SNTG1: variants seen among roughly 807,000 people sequenced by gnomAD.
SNTG1 encodes the protein syntrophin gamma 1, also known as gamma-1-syntrophin.
In SNTG1, 39 loss-of-function variants were observed where a neutral mutation model predicts 74.7. The ratio of observed to expected loss-of-function variants is 0.52; its 90% CI spans 0.40 to 0.68. SNTG1 has a LOEUF of 0.68. SNTG1 is among the 30% of genes least tolerant of loss of function. The pLI, the probability that SNTG1 is intolerant of heterozygous loss-of-function variation, is 0.00. For synonymous variants in SNTG1, 254 were observed against 217.1 expected (o/e 1.17, Z -1.49); for missense variants, 685 against 609.5 (o/e 1.12, Z -1.30).
At chr8:49,929,091 A>G (rs1287389823) in intron 1 of SNTG1, among the ~76,000 whole-genome samples, 1 of 152,314 alleles carries the variant, frequency 6.6e-6, no homozygotes, top group African/African-American at 2.4e-5. Context: ...TAGGACATCA[A>G]GAAAAAGGGA....
chr8:50,176,433 T>C (rs2083001963), intron 2 of SNTG1, among the ~76,000 whole-genome samples: 1 of 152,210 alleles, frequency 6.6e-6, no homozygotes, highest in South Asian at 2.1e-4. Flanking sequence ...CAGTACTGAC[T>C]TCATATCCTG....
At chr8:50,421,567 T>G (rs2093087816) in intron 4 of SNTG1, among the ~76,000 whole-genome samples, 1 of 152,138 alleles carries the variant, frequency 6.6e-6, no homozygotes, top group African/African-American at 2.4e-5. Flanking sequence ...ACCTCTTATC[T>G]CATCCTGTGA....
intron 13 of SNTG1, among the ~76,000 whole-genome samples, chr8:50,618,262 T>C (rs1174522124): frequency 1.3e-5 from 2 of 152,224 alleles, no homozygotes; most frequent in South Asian, 2.1e-4. Flanking sequence ...TGTTCCTTTG[T>C]TCTCCCCTAA....
At chr8:50,701,586 C>CTTCTTCTTCTTCTTCTTCTTCTTCT (rs2095423842) in intron 15 of SNTG1, among the ~76,000 whole-genome samples, 1,514 of 145,296 alleles carry the variant, frequency 0.01, 148 homozygotes, top group African/African-American at 0.034. Context: ...CTTTTTCTTC[C>CTTCTTCTTCTTCTTCTTCTTCTTCT]TCTTCTTCTT....
chr8:50,497,561 A>G (rs185588156), intron 8 of SNTG1, among the ~76,000 whole-genome samples: 1 of 152,158 alleles, frequency 6.6e-6, no homozygotes, highest in African/African-American at 2.4e-5. Flanking sequence ...ATTCATTCTA[A>G]GCCAAAAAAA....
At chr8:50,753,896 C>T (rs2095573783) in intron 18 of SNTG1, among the ~76,000 whole-genome samples, 1 of 151,738 alleles carries the variant, frequency 6.6e-6, no homozygotes, top group Non-Finnish European at 1.5e-5. Flanking sequence ...AAAATAATAC[C>T]TCCATAGGTA....
At chr8:49,924,322 T>G (rs950769285) in intron 1 of SNTG1, among the ~76,000 whole-genome samples, 1 of 152,226 alleles carries the variant, frequency 6.6e-6, no homozygotes, top group Non-Finnish European at 1.5e-5. Flanking sequence ...TGTTCAACAC[T>G]TGCTTTGCTG....
At chr8:50,331,581 A>C (rs2090968724) in intron 2 of SNTG1, among the ~76,000 whole-genome samples, 1 of 152,308 alleles carries the variant, frequency 6.6e-6, no homozygotes, top group South Asian at 2.1e-4. Context: ...AGCCATTGGC[A>C]ATATTCAAGC....
At chr8:50,605,524 A>C (rs1460678938) in intron 13 of SNTG1, among the ~76,000 whole-genome samples, 1 of 152,136 alleles carries the variant, frequency 6.6e-6, no homozygotes, top group Non-Finnish European at 1.5e-5. Context: ...CAGTGCAGCA[A>C]AACAGTTCAA....
intron 2 of SNTG1, among the ~76,000 whole-genome samples, chr8:50,271,606 A>C (rs1489455102): frequency 1.3e-5 from 2 of 152,208 alleles, no homozygotes; most frequent in Non-Finnish European, 2.9e-5. Flanking sequence ...TTATCAGGCA[A>C]AAAATTAAGG....
chr8:50,476,746 A>G (rs975331411), intron 8 of SNTG1, among the ~76,000 whole-genome samples: 2 of 152,144 alleles, frequency 1.3e-5, no homozygotes, highest in African/African-American at 4.8e-5. Flanking sequence ...AGTGGAAATG[A>G]GCACACCTAG....
At chr8:50,385,368 C>T (rs2092557749) in intron 2 of SNTG1, among the ~76,000 whole-genome samples, 1 of 152,168 alleles carries the variant, frequency 6.6e-6, no homozygotes, top group African/African-American at 2.4e-5. Flanking sequence ...CCAACTGCAA[C>T]AACCTATTCT....
chr8:49,986,999 G>A (rs1021314006), intron 1 of SNTG1, among the ~76,000 whole-genome samples: 7 of 152,216 alleles, frequency 4.6e-5, no homozygotes, highest in Admixed American at 2.6e-4. Context: ...TAGCTAGAAT[G>A]AGCAATTCCA....
chr8:50,394,165 AC>A (rs1159563191), intron 2 of SNTG1, 46 bp from the exon 3 acceptor site: 4 of 1,481,500 alleles, frequency 2.7e-6, no homozygotes, highest in Non-Finnish European at 3.7e-6. Flanking sequence ...GTTCTCTCTT[AC>A]ATGCCATGCT....
intron 1 of SNTG1, among the ~76,000 whole-genome samples, chr8:49,940,373 A>C (rs2129374015): frequency 6.6e-6 from 1 of 152,310 alleles, no homozygotes; most frequent in Non-Finnish European, 1.5e-5. Context: ...GCGAAAAAGT[A>C]GATTTTCCTG....
chr8:50,329,164 C>T (rs79325148), intron 2 of SNTG1, among the ~76,000 whole-genome samples: 1,963 of 152,266 alleles, frequency 0.013, 49 homozygotes, highest in African/African-American at 0.045. Context: ...TCAACCTCCC[C>T]GATACCCTCC....
chr8:50,029,101 G>GA (rs958019195), intron 1 of SNTG1, among the ~76,000 whole-genome samples: 33 of 149,126 alleles, frequency 2.2e-4, no homozygotes, highest in East Asian at 7.8e-4. Flanking sequence ...AAGATTTATT[G>GA]AAAAAAAAAG....
chr8:50,633,398 A>G (rs562652827), intron 13 of SNTG1, among the ~76,000 whole-genome samples: 2 of 152,314 alleles, frequency 1.3e-5, no homozygotes, highest in Admixed American at 6.5e-5. Flanking sequence ...AGGAAAATTC[A>G]TAGCCACTCT....
At chr8:50,792,240 G>A (rs1176275269) in intron 18 of SNTG1, among the ~76,000 whole-genome samples, 1 of 151,290 alleles carries the variant, frequency 6.6e-6, no homozygotes, top group Non-Finnish European at 1.5e-5. Context: ...AGTTTCTTAT[G>A]GCAAATATTA....
Sources: allele counts gnomAD v4.1 joint callset (sites outside exome capture counted in the v4.1 genomes callset), GRCh38; gene constraint gnomAD v4.1.1; transcripts MANE v1.5; gene names NCBI Gene and HGNC (gene_info 2026-07-23, HGNC 2026-07-21).